Variants in DLGAP2 observed in about 807,000 individuals in gnomAD.
The protein encoded by DLGAP2 is disks large-associated protein 2.
Under a neutral mutation model 100.3 loss-of-function variants are expected in DLGAP2, and 26 were observed. The ratio of observed to expected loss-of-function variants is 0.26; its 90% CI spans 0.19 to 0.36. The LOEUF (loss-of-function observed/expected upper bound fraction) is 0.36. Ranked by LOEUF, DLGAP2 falls within the 10% of genes least tolerant of loss-of-function variation. The pLI, the probability that DLGAP2 is intolerant of heterozygous loss-of-function variation, is 1.00. For missense variants in DLGAP2, 1,858 were observed against 1,453.2 expected (o/e 1.28, Z -4.53); for synonymous variants, 886 against 630.1 (o/e 1.41, Z -6.08).
chr8:1,182,680 A>T (rs1408818868), intron 2 of DLGAP2, among the ~76,000 whole-genome samples: 1 of 152,182 alleles, frequency 6.6e-6, no homozygotes, highest in East Asian at 1.9e-4. Context: ...GAGCTGCCGT[A>T]GGTCACTGAG....
chr8:1,608,734 G>A (rs1249808707), intron 6 of DLGAP2, among the ~76,000 whole-genome samples: 3 of 147,420 alleles, frequency 2.0e-5, no homozygotes, highest in African/African-American at 7.5e-5. Context: ...CGAGAACTAC[G>A]TGAAGAATGC....
intron 1 of DLGAP2, among the ~76,000 whole-genome samples, chr8:763,418 T>G (rs531380606): frequency 5.3e-5 from 8 of 152,340 alleles, no homozygotes; most frequent in African/African-American, 1.9e-4. Flanking sequence ...GCTTCACTGT[T>G]GCTGCCGTGC....
intron 2 of DLGAP2, among the ~76,000 whole-genome samples, chr8:1,121,947 C>T (rs1283779310): frequency 2.6e-5 from 4 of 152,176 alleles, no homozygotes; most frequent in East Asian, 1.9e-4. Flanking sequence ...GAGACAGACC[C>T]TCCTAGGTAT....
At chr8:920,774 A>G (rs1798697235) in intron 2 of DLGAP2, among the ~76,000 whole-genome samples, 1 of 152,204 alleles carries the variant, frequency 6.6e-6, no homozygotes, top group Non-Finnish European at 1.5e-5. Flanking sequence ...GACAGAGCGG[A>G]ACCCTGTCTC....
chr8:1,678,779 T>A, intron 12 of DLGAP2, 150 bp downstream of exon 12: 1 of 810,964 alleles, frequency 1.2e-6, no homozygotes, highest in Non-Finnish European at 1.7e-6. Flanking sequence ...CCCTCAATTC[T>A]AAGAAAAGAT....
intron 2 of DLGAP2, among the ~76,000 whole-genome samples, chr8:1,236,258 A>C: frequency 1.9e-5 from 1 of 53,012 alleles, no homozygotes; most frequent in Non-Finnish European, 3.6e-5. Flanking sequence ...TAGTTATCTC[A>C]CATGGTGCCG....
rs5888852 is a variant in DLGAP2 at position 1,703,299 on chromosome 8, C to CAAA, written c.*1904_*1906dup. Reference sequence around the variant, plus strand: ...TACGAATGTATCTCCTTGAAAAATGCAAAAAAAAAAAAATCCCTGAAATAT... The same window carrying CAAA: ...TACGAATGTATCTCCTTGAAAAATGCAAAAAAAAAAAAAAAATCCCTGAAATAT... On this transcript the variant is annotated 3_prime_UTR_variant, in exon 15 of 15. Transcript: ENST00000637795. 19 of 143,490 alleles carry CAAA rather than the reference C, an allele frequency of 1.3e-4. No homozygotes were observed. The highest frequency in any genetic ancestry group is 4.9e-4 in the African/African-American group (19 of 39,046). The allele number at this position is 143,490 out of a possible 1,614,324, so 8.9% of individuals were successfully genotyped here. A position where few individuals can be genotyped will look rare whatever the true frequency, so the allele number is the denominator to read the frequency against.
intron 2 of DLGAP2, among the ~76,000 whole-genome samples, chr8:1,249,330 C>T (rs189088056): frequency 6.6e-6 from 1 of 152,114 alleles, no homozygotes; most frequent in Non-Finnish European, 1.5e-5. Context: ...TCTCAGGGCC[C>T]CTCATTTGCC....
intron 8 of DLGAP2, among the ~76,000 whole-genome samples, chr8:1,656,505 C>T (rs1432119289): frequency 6.6e-6 from 1 of 152,152 alleles, no homozygotes; most frequent in African/African-American, 2.4e-5. Flanking sequence ...TGTGCCATCT[C>T]CCCTTCTGAC....
intron 2 of DLGAP2, among the ~76,000 whole-genome samples, chr8:1,253,826 A>G (rs1799107938): frequency 6.6e-6 from 1 of 152,154 alleles, no homozygotes; most frequent in African/African-American, 2.4e-5. Context: ...ATCTTTTTTA[A>G]TGGGTGTTCC....
At chr8:1,376,959 G>T (rs1444919691) in intron 3 of DLGAP2, among the ~76,000 whole-genome samples, 2 of 152,226 alleles carry the variant, frequency 1.3e-5, no homozygotes, top group Non-Finnish European at 2.9e-5. Context: ...GAACTGATTT[G>T]TAATCACACC....
At chr8:1,231,324 A>G (rs1210323606) in intron 2 of DLGAP2, among the ~76,000 whole-genome samples, 2 of 152,232 alleles carry the variant, frequency 1.3e-5, no homozygotes, top group Non-Finnish European at 2.9e-5. Context: ...TATTATTAAA[A>G]AGTCGAAAAA....
chr8:1,602,510 G>C (rs775832130), intron 6 of DLGAP2, among the ~76,000 whole-genome samples: 2 of 152,198 alleles, frequency 1.3e-5, no homozygotes, highest in Non-Finnish European at 2.9e-5. Context: ...CTGGAGGCCC[G>C]AATCCACGGA....
chr8:1,188,450 C>T (rs1250158246), intron 2 of DLGAP2, among the ~76,000 whole-genome samples: 3 of 135,700 alleles, frequency 2.2e-5, no homozygotes, highest in Non-Finnish European at 4.5e-5. Context: ...GTGACGTTTC[C>T]CTCACGGAAT....
chr8:1,468,760 A>G (rs1004577168), intron 3 of DLGAP2, among the ~76,000 whole-genome samples: 8 of 150,906 alleles, frequency 5.3e-5, no homozygotes, highest in Non-Finnish European at 1.2e-4. Flanking sequence ...AAGCTGAGGC[A>G]TGGGCAGAGC....
chr8:1,365,230 A>G (rs931503743), intron 3 of DLGAP2, among the ~76,000 whole-genome samples: 2 of 151,994 alleles, frequency 1.3e-5, no homozygotes, highest in East Asian at 3.9e-4. Flanking sequence ...CCTGGGAGAC[A>G]CTCCTTAGGG....
intron 3 of DLGAP2, among the ~76,000 whole-genome samples, chr8:1,277,997 AC>A (rs1357849724): frequency 6.6e-6 from 1 of 152,190 alleles, no homozygotes; most frequent in Non-Finnish European, 1.5e-5. Flanking sequence ...ATCTTAAAAA[AC>A]AAGTTATTAT....
chr8:1,110,151 G>C (rs1804903147), intron 2 of DLGAP2, among the ~76,000 whole-genome samples: 1 of 139,800 alleles, frequency 7.2e-6, no homozygotes, highest in Non-Finnish European at 1.6e-5. Flanking sequence ...TACTGTATCT[G>C]TGAGGTGTGC....
chr8:1,471,560 G>A (rs566835884), intron 3 of DLGAP2, among the ~76,000 whole-genome samples: 10 of 132,398 alleles, frequency 7.6e-5, no homozygotes, highest in South Asian at 7.4e-4. Context: ...CCTCCTCTGC[G>A]ACGCCCTCCC....
Sources: allele counts gnomAD v4.1 joint callset (sites outside exome capture counted in the v4.1 genomes callset), GRCh38; gene constraint gnomAD v4.1.1; transcripts MANE v1.5; gene names NCBI Gene and HGNC (gene_info 2026-07-23, HGNC 2026-07-21).